LRFN5: variants seen among roughly 807,000 people sequenced by gnomAD.
LRFN5 encodes leucine-rich repeat and fibronectin type-III domain-containing protein 5.
Under a neutral mutation model 45.6 loss-of-function variants are expected in LRFN5, and 24 were observed. The observed-to-expected ratio is 0.53, with a 90% CI of 0.38 to 0.74. The LOEUF is 0.74. Ranked by LOEUF, LRFN5 falls within the 30% of genes least tolerant of loss-of-function variation. LRFN5 has a pLI of 0.00. For synonymous variants in LRFN5, 340 were observed against 313.8 expected (o/e 1.08, Z -0.88); for missense variants, 776 against 861.5 (o/e 0.90, Z 1.24).
At chr14:41,803,333 G>A (rs1403374703) in intron 2 of LRFN5, among the ~76,000 whole-genome samples, 1 of 151,592 alleles carries the variant, frequency 6.6e-6, no homozygotes, top group Non-Finnish European at 1.5e-5. Flanking sequence ...TCATTGAGCA[G>A]TGCATTTATG....
At chr14:41,799,583 G>A (rs1370073659) in intron 2 of LRFN5, among the ~76,000 whole-genome samples, 5 of 151,946 alleles carry the variant, frequency 3.3e-5, no homozygotes, top group African/African-American at 1.2e-4. Flanking sequence ...GTAGACACTA[G>A]AACTCCTTTA....
At chr14:41,612,225 C>G (rs1044720470) in intron 1 of LRFN5, among the ~76,000 whole-genome samples, 1 of 152,006 alleles carries the variant, frequency 6.6e-6, no homozygotes. Flanking sequence ...ATTTCTGCCT[C>G]TACATGAAAC....
intron 3 of LRFN5, among the ~76,000 whole-genome samples, chr14:41,888,382 A>T (rs1485587778): frequency 6.6e-6 from 1 of 152,132 alleles, no homozygotes; most frequent in Admixed American, 6.5e-5. Flanking sequence ...TATCCCAATG[A>T]TGCTGCCATT....
At chr14:41,895,111 T>A (rs945339805) in intron 4 of LRFN5, 6 of 935,968 alleles carry the variant, frequency 6.4e-6, no homozygotes, top group Non-Finnish European at 7.6e-6. Context: ...TACTTCAAAC[T>A]TTTTTTAAAA....
At chr14:41,684,678 A>C (rs978913995) in intron 1 of LRFN5, among the ~76,000 whole-genome samples, 8 of 152,180 alleles carry the variant, frequency 5.3e-5, no homozygotes, top group African/African-American at 1.9e-4. Flanking sequence ...TGGGTTAAAA[A>C]CTTAAATTTA....
chr14:41,775,093 C>CTTTTTCTTTTTTTT (rs1308711451), intron 2 of LRFN5, among the ~76,000 whole-genome samples: 1 of 112,490 alleles, frequency 8.9e-6, no homozygotes, highest in Non-Finnish European at 1.7e-5. Flanking sequence ...TTTTCTTTTT[C>CTTTTTCTTTTTTTT]TTTTTTTTTT....
rs199613410 is a variant in LRFN5, at chr14:41,670,203, C to CTGTG, written c.-197+61651_-197+61654dup. Among the ~76,000 whole-genome samples, 99 of 113,510 alleles carry CTGTG rather than the reference C, an allele frequency of 8.7e-4. 1 individual carries two copies. The highest frequency in any genetic ancestry group is 2.9e-3 in the South Asian group (10 of 3,482). 74.5% of individuals were successfully genotyped at this position (113,510 alleles called of 152,430 possible). A position where few individuals can be genotyped will look rare whatever the true frequency, so the allele number is the denominator to read the frequency against. ...CATTCTCTATATATATATACATTCT[C>CTGTG]TGTGTGTGTGTGTATATATATGTAT... On this transcript the variant is annotated intron_variant, in intron 1 of 5. Coordinates refer to ENST00000298119, the MANE Select transcript of LRFN5 (RefSeq NM_152447.5).
intron 2 of LRFN5, among the ~76,000 whole-genome samples, chr14:41,807,859 T>C (rs1175844310): frequency 2.0e-5 from 3 of 151,972 alleles, no homozygotes; most frequent in Non-Finnish European, 4.4e-5. Flanking sequence ...GGAAGTTAGA[T>C]ATTGGAAATG....
At chr14:41,623,282 C>G (rs1879230342) in intron 1 of LRFN5, among the ~76,000 whole-genome samples, 1 of 152,086 alleles carries the variant, frequency 6.6e-6, no homozygotes, top group African/African-American at 2.4e-5. Flanking sequence ...GATTTGAAGT[C>G]CCATACCTGC....
chr14:41,758,447 C>T (rs1362554937), intron 1 of LRFN5, among the ~76,000 whole-genome samples: 4 of 152,250 alleles, frequency 2.6e-5, no homozygotes, highest in Non-Finnish European at 4.4e-5. Flanking sequence ...AAATCTAAGC[C>T]TCTTTACTTT....
chr14:41,669,627 C>A (rs777245011), intron 1 of LRFN5, among the ~76,000 whole-genome samples: 1 of 151,768 alleles, frequency 6.6e-6, no homozygotes, highest in Non-Finnish European at 1.5e-5. Flanking sequence ...GCAATACATT[C>A]CACATGTAGG....
intron 1 of LRFN5, among the ~76,000 whole-genome samples, chr14:41,745,348 T>C (rs915589218): frequency 3.0e-4 from 46 of 151,980 alleles, no homozygotes; most frequent in Non-Finnish European, 5.2e-4. Context: ...AACAAAATCA[T>C]AATATATCAA....
At chr14:41,622,008 C>A (rs957558480) in intron 1 of LRFN5, among the ~76,000 whole-genome samples, 3 of 152,060 alleles carry the variant, frequency 2.0e-5, no homozygotes, top group African/African-American at 7.2e-5. Flanking sequence ...TTCTTTTCAG[C>A]CCTAGTTGTT....
chr14:41,891,994 C>G, intron 4 of LRFN5, 32 bp downstream of exon 4: 1 of 1,597,902 alleles, frequency 6.3e-7, no homozygotes, highest in Non-Finnish European at 8.5e-7. Flanking sequence ...CTGAGAGATC[C>G]GGAGCAAGGC....
At chr14:41,877,266 G>A (rs563085364) in intron 2 of LRFN5, among the ~76,000 whole-genome samples, 72 of 152,242 alleles carry the variant, frequency 4.7e-4, no homozygotes, top group Admixed American at 1.5e-3. Flanking sequence ...AGCTGCAGGC[G>A]CCTGAGTACC....
chr14:41,834,664 G>A (rs1360549218), intron 2 of LRFN5, among the ~76,000 whole-genome samples: 1 of 151,890 alleles, frequency 6.6e-6, no homozygotes, highest in African/African-American at 2.4e-5. Context: ...TGTTTGTTTT[G>A]TTTTGTTGTG....
intron 2 of LRFN5, among the ~76,000 whole-genome samples, chr14:41,795,880 C>G (rs1025474689): frequency 6.6e-6 from 1 of 151,542 alleles, no homozygotes; most frequent in Non-Finnish European, 1.5e-5. Context: ...ATATATGTAA[C>G]TAACTTGCAC....
chr14:41,828,860 A>C (rs536694843), intron 2 of LRFN5, among the ~76,000 whole-genome samples: 1 of 152,018 alleles, frequency 6.6e-6, no homozygotes, highest in East Asian at 1.9e-4. Context: ...TGACCTCTCT[A>C]GACTTACCTG....
intron 1 of LRFN5, among the ~76,000 whole-genome samples, chr14:41,765,355 G>GAA (rs34981709): frequency 1.4e-4 from 18 of 124,874 alleles, no homozygotes; most frequent in African/African-American, 2.1e-4. Flanking sequence ...AAAAAAGGAG[G>GAA]AAAAAAAAAA....
Sources: allele counts gnomAD v4.1 joint callset (sites outside exome capture counted in the v4.1 genomes callset), GRCh38; gene constraint gnomAD v4.1.1; transcripts MANE v1.5; gene names NCBI Gene and HGNC (gene_info 2026-07-23, HGNC 2026-07-21).